The following FER variants were observed in gnomAD, a reference collection of about 807,000 sequenced individuals.
FER encodes the protein tyrosine-protein kinase Fer.
FER carries 63 observed loss-of-function variants against 111.0 expected under a neutral mutation model. The observed-to-expected ratio is 0.57, with a 90% CI of 0.46 to 0.70. FER has a LOEUF of 0.70. Ranked by LOEUF, FER falls within the 30% of genes least tolerant of loss-of-function variation. FER has a pLI of 0.00. For missense variants in FER, 914 were observed against 954.0 expected, an observed-to-expected ratio of 0.96 and a Z score of 0.55; for synonymous variants, 327 against 313.9, an observed-to-expected ratio of 1.04 and a Z score of -0.44.
At chr5:108,811,805 G>T (rs1458159259) in intron 3 of FER, among the ~76,000 whole-genome samples, 1 of 152,144 alleles carries the variant, frequency 6.6e-6, no homozygotes, top group Non-Finnish European at 1.5e-5. Context: ...GAGTTCTGAT[G>T]CTCGAGGGCA....
At chr5:108,970,413 G>T (rs184647564) in intron 13 of FER, among the ~76,000 whole-genome samples, 49 of 151,850 alleles carry the variant, frequency 3.2e-4, no homozygotes, top group African/African-American at 9.9e-4. Context: ...GTAGAGACGG[G>T]GTTTTGCCGT....
chr5:108,780,807 T>G (rs1378999402), intron 2 of FER, among the ~76,000 whole-genome samples: 1 of 152,094 alleles, frequency 6.6e-6, no homozygotes, highest in Non-Finnish European at 1.5e-5. Context: ...TTTTTGTATA[T>G]TCTGCTCTGT....
intron 16 of FER, among the ~76,000 whole-genome samples, chr5:109,072,611 G>A (rs1581907481): frequency 6.6e-6 from 1 of 151,906 alleles, no homozygotes; most frequent in African/African-American, 2.4e-5. Context: ...GTGACTTAAA[G>A]CTATGTTTCT....
At position 108,946,119 on chromosome 5, in the gene FER, A is replaced by G. The variant is rs372001693; in HGVS notation, c.1237-11A>G. The G allele has an allele frequency of 2.0e-5, 32 of 1,602,922 alleles. 1 individual carries two copies. Among genetic ancestry groups the G allele is most frequent in the Non-Finnish European group, 2.6e-5 (31 of 1,170,894 alleles). On this transcript the variant is annotated splice_polypyrimidine_tract_variant and intron_variant, in intron 10 of 19. Coordinates refer to ENST00000281092, the MANE Select transcript of FER (RefSeq NM_005246.4). ...TACTGTTGCTGAAGGCTTGTTTCTT[A>G]ATCCCTCCAGGAAAGAAAGGAGAGG... is the stretch of plus-strand genomic sequence containing the variant.
intron 2 of FER, among the ~76,000 whole-genome samples, chr5:108,795,656 G>A (rs1255976040): frequency 6.6e-6 from 1 of 152,016 alleles, no homozygotes; most frequent in African/African-American, 2.4e-5. Flanking sequence ...AGACACTGAT[G>A]CATTCTTCAG....
At chr5:108,946,780 C>T (rs912078334) in intron 11 of FER, among the ~76,000 whole-genome samples, 6 of 140,074 alleles carry the variant, frequency 4.3e-5, no homozygotes, top group Non-Finnish European at 9.3e-5. Flanking sequence ...AACAAACACA[C>T]AGAAGAGTTT....
rs988563318 is a variant in FER, at chr5:109,192,163, G to A, written c.*4588G>A. ...CTTAGTCACTTTAAACTGCATAGAA[G>A]TAATGAGCATAGGCTTCAGTATATT... On this transcript the variant is annotated 3_prime_UTR_variant, in exon 20 of 20. Transcript: ENST00000281092. 1 of 152,202 alleles carries A rather than the reference G, an allele frequency of 6.6e-6. No homozygotes were observed. The highest frequency in any genetic ancestry group is 2.4e-5 in the African/African-American group (1 of 41,452). 9.4% of individuals were successfully genotyped at this position (152,202 alleles called of 1,614,324 possible).
chr5:108,755,994 A>C (rs1296772556), intron 1 of FER, among the ~76,000 whole-genome samples: 2 of 150,598 alleles, frequency 1.3e-5, no homozygotes, highest in South Asian at 4.2e-4. Context: ...TTTACTAAAA[A>C]AATACAAAAA....
chr5:109,005,857 G>T (rs767669115), intron 13 of FER, among the ~76,000 whole-genome samples: 6 of 152,168 alleles, frequency 3.9e-5, no homozygotes, highest in Non-Finnish European at 8.8e-5. Flanking sequence ...AAGAATGAAT[G>T]AATTAATCAT....
At chr5:108,801,059 CT>C (rs1214740677) in intron 3 of FER, among the ~76,000 whole-genome samples, 1 of 152,128 alleles carries the variant, frequency 6.6e-6, no homozygotes, top group Non-Finnish European at 1.5e-5. Flanking sequence ...AAAAAAAAAT[CT>C]TTGCCTGATG....
At chr5:108,995,715 G>A (rs1763901110) in intron 13 of FER, among the ~76,000 whole-genome samples, 1 of 152,082 alleles carries the variant, frequency 6.6e-6, no homozygotes, top group Admixed American at 6.5e-5. Flanking sequence ...GAACAGTGCT[G>A]CAATAAAACA....
intron 5 of FER, among the ~76,000 whole-genome samples, chr5:108,843,929 T>A (rs1313127664): frequency 6.6e-6 from 1 of 152,150 alleles, no homozygotes; most frequent in Non-Finnish European, 1.5e-5. Flanking sequence ...TGCATACTTT[T>A]TACCTGGATT....
intron 10 of FER, among the ~76,000 whole-genome samples, chr5:108,915,588 CTTT>C (rs562817580): frequency 1.4e-5 from 2 of 144,018 alleles, no homozygotes. Flanking sequence ...CCACAAAGGA[CTTT>C]TTTTTTTTTG....
intron 17 of FER, among the ~76,000 whole-genome samples, chr5:109,116,177 G>A (rs1268065757): frequency 1.3e-5 from 2 of 151,962 alleles, no homozygotes; most frequent in Admixed American, 6.6e-5. Flanking sequence ...TGGTAGCAGT[G>A]TCCCGAAGAG....
intron 1 of FER, among the ~76,000 whole-genome samples, chr5:108,765,931 A>C (rs930473432): frequency 6.6e-6 from 1 of 151,704 alleles, no homozygotes; most frequent in African/African-American, 2.4e-5. Context: ...GTCATGACTG[A>C]ATTTTTTTTT....
intron 2 of FER, among the ~76,000 whole-genome samples, chr5:108,786,935 C>T (rs939515965): frequency 6.6e-6 from 1 of 152,140 alleles, no homozygotes; most frequent in Admixed American, 6.5e-5. Flanking sequence ...ATGGTGGTGG[C>T]AGCCTATCTG....
intron 14 of FER, 88 bp from the exon 15 acceptor site, chr5:109,044,592 C>A: frequency 1.6e-6 from 1 of 629,466 alleles, no homozygotes; most frequent in African/African-American, 1.9e-5. Flanking sequence ...AGGTAAGCAC[C>A]TCCTCCTCTT....
intron 4 of FER, 54 bp from the exon 5 acceptor site, chr5:108,835,654 A>C (rs914291955): frequency 6.7e-6 from 8 of 1,186,944 alleles, no homozygotes; most frequent in Middle Eastern, 2.0e-4. Flanking sequence ...TAAGTTCTTG[A>C]GCAATTTAAA....
chr5:108,776,452 C>A (rs533312243), intron 2 of FER, among the ~76,000 whole-genome samples: 1 of 152,088 alleles, frequency 6.6e-6, no homozygotes, highest in East Asian at 1.9e-4. Context: ...TAGGTAAAAA[C>A]AATATTTCCA....
Sources: allele counts gnomAD v4.1 joint callset (sites outside exome capture counted in the v4.1 genomes callset), GRCh38; gene constraint gnomAD v4.1.1; transcripts MANE v1.5; gene names NCBI Gene and HGNC (gene_info 2026-07-23, HGNC 2026-07-21).